The following RYR2 variants were observed in gnomAD, a reference collection of about 807,000 sequenced individuals.
The protein encoded by RYR2 is cardiac muscle ryanodine receptor-calcium release channel.
In RYR2, 227 loss-of-function variants were observed where a neutral mutation model predicts 601.1. The observed-to-expected ratio is 0.38, with a 90% CI of 0.34 to 0.42. The LOEUF is 0.42. Among genes scored for constraint, RYR2 ranks in the 10% least tolerant of loss-of-function variants. The pLI is 1.00. For missense variants in RYR2, 4,646 were observed against 6,156.5 expected (o/e 0.75, Z 8.21); for synonymous variants, 2,223 against 2,175.1 (o/e 1.02, Z -0.61).
At chr1:237,520,378 G>C (rs898923890) in intron 24 of RYR2, among the ~76,000 whole-genome samples, 5 of 152,074 alleles carry the variant, frequency 3.3e-5, no homozygotes, top group African/African-American at 1.2e-4. Flanking sequence ...TCCTTGTTTT[G>C]TTCCAGTTCT....
intron 1 of RYR2, among the ~76,000 whole-genome samples, chr1:237,065,874 A>G (rs907582656): frequency 9.2e-5 from 14 of 152,194 alleles, no homozygotes; most frequent in South Asian, 2.1e-4. Flanking sequence ...CACGTCTTAC[A>G]TGGCTGGAGC....
chr1:237,364,701 G>C (rs1277643460), intron 5 of RYR2, among the ~76,000 whole-genome samples: 1 of 135,424 alleles, frequency 7.4e-6, no homozygotes, highest in African/African-American at 2.7e-5. Flanking sequence ...GGGTCATATT[G>C]TAACATTATA....
intron 25 of RYR2, among the ~76,000 whole-genome samples, chr1:237,540,116 C>T (rs1669094741): frequency 6.6e-6 from 1 of 152,054 alleles, no homozygotes; most frequent in South Asian, 2.1e-4. Context: ...ACGCATCTTC[C>T]CTCATTTATT....
intron 2 of RYR2, among the ~76,000 whole-genome samples, chr1:237,322,883 T>G (rs77272843): frequency 0.037 from 5,640 of 151,574 alleles, 247 homozygotes; most frequent in African/African-American, 0.1. Context: ...AAACCTTTTT[T>G]GAGGAAAGAG....
intron 80 of RYR2, among the ~76,000 whole-genome samples, chr1:237,748,388 T>G (rs2149236252): frequency 6.6e-6 from 1 of 151,862 alleles, no homozygotes; most frequent in South Asian, 2.1e-4. Flanking sequence ...TTCATCATAC[T>G]TCCTGTTGAT....
chr1:237,592,748 C>G (rs1051930923), intron 32 of RYR2, among the ~76,000 whole-genome samples: 2 of 151,722 alleles, frequency 1.3e-5, no homozygotes, highest in Non-Finnish European at 2.9e-5. Flanking sequence ...TGGCCAGGTG[C>G]GGTGACTCGC....
At chr1:237,248,082 G>A (rs900090484) in intron 1 of RYR2, among the ~76,000 whole-genome samples, 1 of 152,018 alleles carries the variant, frequency 6.6e-6, no homozygotes, top group Admixed American at 6.6e-5. Flanking sequence ...GCCCAGCCTG[G>A]GTAACATGGT....
chr1:237,368,771 T>C (rs1700398960), intron 5 of RYR2, among the ~76,000 whole-genome samples: 1 of 152,094 alleles, frequency 6.6e-6, no homozygotes, highest in Non-Finnish European at 1.5e-5. Flanking sequence ...AATTTTGTGT[T>C]CTAGGAATAC....
At chr1:237,638,929 C>A (rs1172694651) in intron 45 of RYR2, 86 bp from the exon 46 acceptor site, 15 of 1,433,742 alleles carry the variant, frequency 1.0e-5, no homozygotes, top group African/African-American at 4.2e-5. Flanking sequence ...TATTCTTATA[C>A]ATAGGAAATG....
intron 1 of RYR2, among the ~76,000 whole-genome samples, chr1:237,088,525 GACAAA>G (rs924737992): frequency 2.6e-5 from 4 of 152,142 alleles, no homozygotes; most frequent in African/African-American, 7.2e-5. Flanking sequence ...TGCCCTATGA[GACAAA>G]ACAAAATAAA....
At chr1:237,815,681 T>C (rs534785528) in intron 100 of RYR2, among the ~76,000 whole-genome samples, 2 of 152,228 alleles carry the variant, frequency 1.3e-5, no homozygotes, top group South Asian at 4.1e-4. Flanking sequence ...TGACAAGAGA[T>C]CTGCAAAGAA....
chr1:237,270,489 C>G lies in RYR2; in HGVS notation c.49-8C>G. 3.8e-6 allele frequency: 6 copies of G among 1,569,892 alleles called. No individual in the cohort carries two copies. The East Asian group carries it at 7.0e-5, about 18-fold the overall frequency. ...CTTATTTTTCCCTCTCTTTCTCCCCCTTTGCAGGATGATGAAGTGGTTCTG... is the reference window on the plus strand; with the variant it reads ...CTTATTTTTCCCTCTCTTTCTCCCCGTTTGCAGGATGATGAAGTGGTTCTG... On this transcript the variant is annotated splice_polypyrimidine_tract_variant and splice_region_variant and intron_variant, in intron 1 of 104. Coordinates refer to ENST00000366574, the MANE Select transcript of RYR2 (RefSeq NM_001035.3).
At chr1:237,057,673 AAGTT>A (rs1274057566) in intron 1 of RYR2, among the ~76,000 whole-genome samples, 8 of 152,042 alleles carry the variant, frequency 5.3e-5, no homozygotes, top group Admixed American at 5.2e-4. Context: ...GGAAGGGTAA[AAGTT>A]AGGGATGCTT....
intron 6 of RYR2, among the ~76,000 whole-genome samples, chr1:237,374,220 C>T (rs985130926): frequency 5.0e-4 from 76 of 152,210 alleles, no homozygotes; most frequent in African/African-American, 1.8e-3. Flanking sequence ...TCTGCTGGTA[C>T]AACTATAAAC....
At position 237,523,239 on chromosome 1, in the gene RYR2, T is replaced by C. The variant is rs370104609; in HGVS notation, c.2823-7188T>C. ...TCCATCCATTGGAGTTAATTAAAAG[T>C]AAAACTTTCTGTACTTCAAAAGAAG... On this transcript the variant is annotated intron_variant, in intron 24 of 104. Coordinates refer to ENST00000366574, the MANE Select transcript of RYR2 (RefSeq NM_001035.3). Among the ~76,000 whole-genome samples, 11 of 152,244 alleles carry C rather than the reference T, an allele frequency of 7.2e-5. 1 individual carries two copies. The highest frequency in any genetic ancestry group is 2.6e-4 in the African/African-American group (11 of 41,556).
intron 51 of RYR2, 48 bp downstream of exon 51, chr1:237,651,549 C>A (rs1281996060): frequency 8.6e-7 from 1 of 1,167,010 alleles, no homozygotes; most frequent in Non-Finnish European, 1.2e-6. Context: ...GCTTCTCTGA[C>A]TTTATTTTCT....
At chr1:237,491,275 A>T (rs1473966235) in intron 17 of RYR2, among the ~76,000 whole-genome samples, 1 of 152,090 alleles carries the variant, frequency 6.6e-6, no homozygotes, top group East Asian at 1.9e-4. Flanking sequence ...GTGTACTATA[A>T]ACCTCAAGGA....
chr1:237,666,352 G>A (rs1684326211), intron 56 of RYR2, among the ~76,000 whole-genome samples, 160 bp from the exon 57 acceptor site: 1 of 152,150 alleles, frequency 6.6e-6, no homozygotes. Context: ...TAATTTTAAT[G>A]TGCGAGATGT....
intron 56 of RYR2, among the ~76,000 whole-genome samples, chr1:237,665,084 G>A (rs1365600729): frequency 6.6e-6 from 1 of 152,160 alleles, no homozygotes; most frequent in Non-Finnish European, 1.5e-5. Flanking sequence ...CTTTGAGGCT[G>A]GTGGCCTATT....
Sources: allele counts gnomAD v4.1 joint callset (sites outside exome capture counted in the v4.1 genomes callset), GRCh38; gene constraint gnomAD v4.1.1; transcripts MANE v1.5; gene names NCBI Gene and HGNC (gene_info 2026-07-23, HGNC 2026-07-21).